Variants in DAPK2 observed in about 807,000 individuals in gnomAD.
The protein encoded by DAPK2 is death-associated protein kinase 2.
Under a neutral mutation model 44.1 loss-of-function variants are expected in DAPK2, and 35 were observed. That is an observed-to-expected ratio of 0.79 (90% CI 0.61 to 1.05). The LOEUF is 1.05. Among genes scored for constraint, DAPK2 ranks in the 50% least tolerant of loss-of-function variants. DAPK2 has a pLI of 0.00. For synonymous variants in DAPK2, 174 were observed against 182.6 expected, an observed-to-expected ratio of 0.95 and a Z score of 0.38; for missense variants, 453 against 483.2, an observed-to-expected ratio of 0.94 and a Z score of 0.59.
intron 1 of DAPK2, among the ~76,000 whole-genome samples, chr15:64,007,281 T>G (rs2079259500): frequency 1.3e-5 from 2 of 152,016 alleles, no homozygotes; most frequent in Admixed American, 1.3e-4. Flanking sequence ...TCTCATTCCC[T>G]TTCACACAAC....
chr15:64,042,908 T>C (rs1250322093), upstream of DAPK2, among the ~76,000 whole-genome samples: 2 of 152,186 alleles, frequency 1.3e-5, no homozygotes, highest in East Asian at 1.9e-4. The surrounding 1 kb of genome is among the most constrained non-coding windows in gnomAD (Gnocchi z 4.7). Flanking sequence ...CAAAAACAGA[T>C]GACAATTCTC....
At chr15:63,997,265 G>A (rs183449460) in intron 1 of DAPK2, among the ~76,000 whole-genome samples, 14 of 152,288 alleles carry the variant, frequency 9.2e-5, no homozygotes, top group Middle Eastern at 6.8e-3. Context: ...TTGTCAGGGC[G>A]CAGGAAAGGT....
chr15:64,046,161 C>A lies in DAPK2; in HGVS notation c.-7+137G>T. ...CAATGCCCCGGGCCACGGCGTCAGG[C>A]ATTGGGGCGGCGGGCCCGGGATCTG... On this transcript the variant is annotated intron_variant, in intron 1 of 11. Coordinates refer to the DAPK2 transcript ENST00000457488. This position sits in a 1 kb window ranked among gnomAD's most constrained non-coding sequence, Gnocchi z 5.3. The A allele has an allele frequency of 4.0e-6, 1 of 246,918 alleles. No individual in the cohort carries two copies. Among genetic ancestry groups the A allele is most frequent in the Non-Finnish European group, 6.5e-6 (1 of 154,376 alleles). The allele number at this position is 246,918 out of a possible 1,614,324, so 15.3% of individuals were successfully genotyped here.
intron 1 of DAPK2, among the ~76,000 whole-genome samples, chr15:64,005,110 C>G (rs332266): frequency 0.97 from 147,921 of 152,142 alleles, 72,033 homozygotes; most frequent in East Asian, 1. Context: ...CCTCAGGCCC[C>G]CACTTCAGGG....
intron 2 of DAPK2, among the ~76,000 whole-genome samples, chr15:63,975,665 C>T (rs895380515): frequency 3.3e-5 from 5 of 151,432 alleles, no homozygotes; most frequent in Non-Finnish European, 7.4e-5. Flanking sequence ...GTGATGCGAT[C>T]TCAGCTCACT....
intron 10 of DAPK2, chr15:63,909,106 TA>T (rs1230948074): frequency 1.3e-5 from 2 of 152,206 alleles, no homozygotes; most frequent in African/African-American, 4.8e-5. Context: ...TCCATTTTTA[TA>T]AAACAGGAAA....
intron 3 of DAPK2, among the ~76,000 whole-genome samples, chr15:63,957,624 G>A (rs1203544548): frequency 1.3e-5 from 2 of 151,010 alleles, no homozygotes; most frequent in African/African-American, 4.9e-5. Context: ...TTCTGTCCTT[G>A]CGATAGTTTG....
chr15:63,972,548 T>C (rs1432136561), intron 2 of DAPK2, among the ~76,000 whole-genome samples: 1 of 152,196 alleles, frequency 6.6e-6, no homozygotes, highest in African/African-American at 2.4e-5. Context: ...GTCTGGTCAA[T>C]GGAGGAAAGG....
intron 1 of DAPK2, among the ~76,000 whole-genome samples, chr15:64,001,763 G>T (rs888655812): frequency 1.1e-4 from 17 of 152,206 alleles, no homozygotes; most frequent in African/African-American, 4.1e-4. Flanking sequence ...GAATCAGAAT[G>T]TGTGTGTTAA....
intron 10 of DAPK2, among the ~76,000 whole-genome samples, chr15:63,910,028 A>G (rs77652676): frequency 0.037 from 5,639 of 152,334 alleles, 150 homozygotes; most frequent in South Asian, 0.1. Flanking sequence ...GGCTATAACA[A>G]TAAAAATAAC....
chr15:63,986,621 C>G (rs1001461204), intron 1 of DAPK2, among the ~76,000 whole-genome samples: 2 of 152,138 alleles, frequency 1.3e-5, no homozygotes, highest in Non-Finnish European at 2.9e-5. Context: ...CCACCCTACC[C>G]CGCCAATGAT....
At chr15:63,951,064 C>A (rs1402723959) in intron 3 of DAPK2, among the ~76,000 whole-genome samples, 2 of 152,166 alleles carry the variant, frequency 1.3e-5, no homozygotes, top group South Asian at 4.1e-4. Context: ...CCCCCCTCCC[C>A]GGGGTTCTGG....
chr15:64,026,932 A>G (rs1281648611), intron 1 of DAPK2, among the ~76,000 whole-genome samples: 3 of 152,154 alleles, frequency 2.0e-5, no homozygotes, highest in African/African-American at 7.2e-5. Context: ...TGCTATTGGA[A>G]CTTCAAAATA....
chr15:63,924,662 C>T (rs1357616092), intron 8 of DAPK2, 154 bp downstream of exon 9: 6 of 733,900 alleles, frequency 8.2e-6, no homozygotes, highest in South Asian at 1.8e-5. Context: ...TAAGCCCAGG[C>T]CCTCTGGGGC....
At chr15:63,950,197 G>C (rs1481873491) in intron 3 of DAPK2, among the ~76,000 whole-genome samples, 1 of 152,180 alleles carries the variant, frequency 6.6e-6, no homozygotes, top group African/African-American at 2.4e-5. Context: ...TTAAGTATGA[G>C]GGATAACTTA....
chr15:64,040,330 A>G, upstream of DAPK2: 1 of 1,304,200 alleles, frequency 7.7e-7, no homozygotes, highest in Non-Finnish European at 1.1e-6. Flanking sequence ...CTAAGAGTCT[A>G]AGGCCTAAAC....
chr15:63,974,232 A>G (rs1272838854), intron 2 of DAPK2, among the ~76,000 whole-genome samples: 1 of 152,224 alleles, frequency 6.6e-6, no homozygotes, highest in East Asian at 1.9e-4. Context: ...TGTCAACAAA[A>G]AGAGTCAAAC....
chr15:63,922,963 G>C, intron 8 of DAPK2: 7 of 1,535,868 alleles, frequency 4.6e-6, no homozygotes, highest in Non-Finnish European at 6.1e-6. Flanking sequence ...CCATGCTTCC[G>C]AGGCTACATC....
At chr15:64,022,942 T>C (rs939764421) in intron 1 of DAPK2, among the ~76,000 whole-genome samples, 1 of 152,148 alleles carries the variant, frequency 6.6e-6, no homozygotes, top group African/African-American at 2.4e-5. Flanking sequence ...TGATGAGAAA[T>C]GACTCTTTCC....
Sources: allele counts gnomAD v4.1 joint callset (sites outside exome capture counted in the v4.1 genomes callset), GRCh38; gene constraint gnomAD v4.1.1; non-coding constraint Gnocchi (gnomAD v3.1); transcripts MANE v1.5; gene names NCBI Gene and HGNC (gene_info 2026-07-23, HGNC 2026-07-21).